Variants in CRYBG3 observed in about 807,000 individuals in gnomAD.
CRYBG3 encodes the protein crystallin beta-gamma domain containing 3.
Under a neutral mutation model 244.2 loss-of-function variants are expected in CRYBG3, and 127 were observed. The observed-to-expected ratio is 0.52, with a 90% CI of 0.45 to 0.60. The LOEUF is 0.60. CRYBG3 is among the 20% of genes least tolerant of loss of function. The pLI, the probability that CRYBG3 is intolerant of heterozygous loss-of-function variation, is 0.00. For missense variants in CRYBG3, 3,325 were observed against 3,442.5 expected (o/e 0.97, Z 0.85); for synonymous variants, 1,132 against 1,195.8 (o/e 0.95, Z 1.10).
At chr3:97,933,170 C>G (rs775672165) in intron 17 of CRYBG3, 2 of 441,120 alleles carry the variant, frequency 4.5e-6, no homozygotes, top group Non-Finnish European at 9.0e-6. Context: ...TGAAGAAATA[C>G]TTTTAATGCA....
At position 97,875,817 on chromosome 3, in the gene CRYBG3, T is replaced by G; in HGVS notation, c.4623T>G (p.Pro1541=). 8.1e-7 allele frequency: 1 copy of G among 1,231,952 alleles called. No individual in the cohort carries two copies. The highest frequency in any genetic ancestry group is 1.0e-6 in the Non-Finnish European group (1 of 987,820). 76.3% of individuals were successfully genotyped at this position (1,231,952 alleles called of 1,614,324 possible). A position where few individuals can be genotyped will look rare whatever the true frequency, so the allele number is the denominator to read the frequency against. Residue 1541 remains proline (P), a synonymous_variant, in exon 4 of 22, where the codon CCT becomes CCG. Coordinates refer to ENST00000389622, the MANE Select transcript of CRYBG3 (RefSeq NM_153605.4). The stretch of plus-strand genomic sequence containing the variant: ...ATATAGGGAAAATTGAACTTATACC[T>G]TCCATGTTAGAAACAGGGAAAACAA... ...EINIGKIELI[P]SMLETGKTNK... is the part of the protein sequence containing the mutation.
At position 97,872,435 on chromosome 3, in the gene CRYBG3, T is replaced by G; in HGVS notation, c.1241T>G (p.Val414Gly). The G allele has an allele frequency of 6.5e-7, 1 of 1,535,960 alleles. No homozygotes were observed. The highest frequency in any genetic ancestry group is 8.7e-7 in the Non-Finnish European group (1 of 1,146,810). The change falls in exon 4 of 22, where the codon GTG (valine) becomes GGG (glycine). Residue 414 changes from valine (V) to glycine (G), a missense_variant. Val to Gly is a moderately radical substitution (Grantham distance 109, BLOSUM62 -3). This residue lies in a region of CRYBG3 where 1,526 missense variants were observed against 1,443.2 expected (regional missense o/e 1.06). Coordinates refer to ENST00000389622, the MANE Select transcript of CRYBG3 (RefSeq NM_153605.4). The stretch of plus-strand genomic sequence containing the variant: ...AATACGATAAAAGAAAACAGCACTG[T>G]GATGAGTAATAGGACATTGGTGCAA... ...TENTIKENST[V>G]MSNRTLVQRE...
rs769833018 is a variant in CRYBG3, at chr3:97,930,341, A to G, written c.8242-3353A>G. Among the ~76,000 whole-genome samples, 88 of 152,124 alleles carry G rather than the reference A, an allele frequency of 5.8e-4. 1 individual carries two copies. Among genetic ancestry groups the G allele is most frequent in the South Asian group, 8.3e-4 (4 of 4,824 alleles). ...TACTTTCTAAAAATCTTGAGAGTGA[A>G]GATGTTGAAAAAAATCCACCAATAT... On this transcript the variant is annotated intron_variant, in intron 17 of 21. Coordinates refer to ENST00000389622, the MANE Select transcript of CRYBG3 (RefSeq NM_153605.4).
At chr3:97,901,809 C>T (rs1451268497) in intron 15 of CRYBG3, among the ~76,000 whole-genome samples, 1 of 151,990 alleles carries the variant, frequency 6.6e-6, no homozygotes, top group Non-Finnish European at 1.5e-5. Context: ...GGAGGATTTT[C>T]TTGATAGTAT....
rs2039245315 is a variant in CRYBG3, at chr3:97,867,291, A to G, written c.647+2644A>G. On this transcript the variant is annotated intron_variant, in intron 3 of 21. Coordinates refer to ENST00000389622, the MANE Select transcript of CRYBG3 (RefSeq NM_153605.4). ...GTCTTTCATTAGTTTCACAAAATGT[A>G]TCTTCCTCATTTGGAAAGCAACCTG... 4 of 152,232 alleles carry G rather than the reference A, an allele frequency of 2.6e-5. No homozygotes were observed. The South Asian group carries it at 6.2e-4, about 24-fold the overall frequency. 9.4% of individuals were successfully genotyped at this position (152,232 alleles called of 1,614,324 possible).
At chr3:97,828,252 A>G (rs530268270) in intron 1 of CRYBG3, among the ~76,000 whole-genome samples, 47 of 152,296 alleles carry the variant, frequency 3.1e-4, no homozygotes, top group Admixed American at 2.7e-3. Flanking sequence ...GATATGACCT[A>G]TCAATATTGC....
At position 97,875,282 on chromosome 3, in the gene CRYBG3, A is replaced by G; in HGVS notation, c.4088A>G (p.Gln1363Arg). 6.8e-7 allele frequency: 1 copy of G among 1,465,888 alleles called. No homozygotes were observed. Among genetic ancestry groups the G allele is most frequent in the Non-Finnish European group, 8.9e-7 (1 of 1,117,556 alleles). 90.8% of individuals were successfully genotyped at this position (1,465,888 alleles called of 1,614,324 possible). ...DVVREFLVSE[Q>R]PVNQSTQISE... ...GTTAGAGAGTTCTTGGTTTCAGAAC[A>G]GCCAGTAAATCAAAGCACACAAATT... is the stretch of plus-strand genomic sequence containing the variant. Residue 1363 changes from glutamine (Q) to arginine (R), a missense_variant, in exon 4 of 22, where the codon CAG becomes CGG. Physicochemically the swap from Gln to Arg is conservative, Grantham distance 43. Transcript: ENST00000389622.
chr3:97,912,208 A>T lies in CRYBG3; in HGVS notation c.8046A>T (p.Ile2682=), dbSNP rs1299293623. 1 of 1,607,634 alleles carries T rather than the reference A, an allele frequency of 6.2e-7. No individual in the cohort carries two copies. Among genetic ancestry groups the T allele is most frequent in the East Asian group, 2.2e-5 (1 of 44,458 alleles). Residue 2682 remains isoleucine (I), a synonymous_variant, in exon 16 of 22, where the codon ATA becomes ATT. Transcript: ENST00000389622. Reference sequence around the variant, plus strand: ...AACCAGGGTTCCAAGGTGAATGTATAGATTTTACAGAAGAAACTTCTGATT... The same window carrying T: ...AACCAGGGTTCCAAGGTGAATGTATTGATTTTACAGAAGAAACTTCTGATT... ...FSKPGFQGEC[I]DFTEETSDLT...
chr3:97,893,021 C>T (rs918777809), intron 11 of CRYBG3, 28 bp downstream of exon 11: 1 of 1,577,944 alleles, frequency 6.3e-7, no homozygotes, highest in African/African-American at 1.4e-5. Context: ...AACATTTGCA[C>T]AAGTAGTCTG....
intron 1 of CRYBG3, among the ~76,000 whole-genome samples, chr3:97,841,414 T>A (rs1441045784): frequency 6.6e-6 from 1 of 151,966 alleles, no homozygotes; most frequent in Non-Finnish European, 1.5e-5. Flanking sequence ...ATCCGTTTGG[T>A]CCATGTGTTT....
chr3:97,905,383 C>A (rs920831213), intron 15 of CRYBG3, among the ~76,000 whole-genome samples: 1 of 151,796 alleles, frequency 6.6e-6, no homozygotes, highest in Non-Finnish European at 1.5e-5. Flanking sequence ...GTTCCTATTT[C>A]TTCACATCCT....
In CRYBG3 at chr3:97,877,171, G is replaced by A; in HGVS notation, c.5977G>A (p.Glu1993Lys). 6.2e-7 allele frequency: 1 copy of A among 1,613,968 alleles called. No homozygotes were observed. Among genetic ancestry groups the A allele is most frequent in the Non-Finnish European group, 8.5e-7 (1 of 1,179,928 alleles). Residue 1993 changes from glutamate (E) to lysine (K), a missense_variant, in exon 4 of 22, where the codon GAA (glutamate) becomes AAA (lysine). Around this residue, in one of 4 missense-constraint regions of CRYBG3, gnomAD observed 450 missense variants for 424.1 expected, o/e 1.06. Transcript: ENST00000389622. ...GYNLAFVSQD[E>K]QENSSFTILY... ...TAATTTAGCTTTTGTTTCTCAAGAT[G>A]AACAAGAAAATTCTTCCTTTACTAT...
intron 12 of CRYBG3, among the ~76,000 whole-genome samples, chr3:97,897,960 C>A (rs2039658126): frequency 6.6e-6 from 1 of 152,012 alleles, no homozygotes; most frequent in Non-Finnish European, 1.5e-5. Flanking sequence ...GTGGTTCATG[C>A]CTGTAATCCC....
At position 97,876,689 on chromosome 3, in the gene CRYBG3, C is replaced by A; in HGVS notation, c.5495C>A (p.Thr1832Asn). 2 of 1,242,210 alleles carry A rather than the reference C, an allele frequency of 1.6e-6. No homozygotes were observed. Among genetic ancestry groups the A allele is most frequent in the Non-Finnish European group, 2.0e-6 (2 of 994,450 alleles). The allele number at this position is 1,242,210 out of a possible 1,614,324, so 76.9% of individuals were successfully genotyped here. A position where few individuals can be genotyped will look rare whatever the true frequency, so the allele number is the denominator to read the frequency against. ...EKACKRDVKE[T>N]IGATVSTPSV... ...GCATGCAAGAGAGATGTTAAAGAGA[C>A]TATTGGAGCAACTGTGTCCACACCC... Residue 1832 changes from threonine to asparagine, a missense_variant, in exon 4 of 22, where the codon ACT becomes AAT. Around this residue, in one of 4 missense-constraint regions of CRYBG3, gnomAD observed 635 missense variants for 771.7 expected, o/e 0.82. Coordinates refer to ENST00000389622, the MANE Select transcript of CRYBG3 (RefSeq NM_153605.4).
At chr3:97,917,415 T>C (rs1202454317) in intron 17 of CRYBG3, among the ~76,000 whole-genome samples, 1 of 152,164 alleles carries the variant, frequency 6.6e-6, no homozygotes, top group Non-Finnish European at 1.5e-5. Context: ...ATTCAGTTTA[T>C]GTAAGGGTAG....
At chr3:97,841,084 G>A (rs1009836936) in intron 1 of CRYBG3, among the ~76,000 whole-genome samples, 8 of 151,694 alleles carry the variant, frequency 5.3e-5, no homozygotes, top group Admixed American at 2.6e-4. Context: ...ACATTTGTAC[G>A]GGTTACAATT....
intron 1 of CRYBG3, among the ~76,000 whole-genome samples, chr3:97,829,920 A>AT (rs2038632555): frequency 1.3e-5 from 2 of 151,938 alleles, no homozygotes; most frequent in East Asian, 1.9e-4. Flanking sequence ...GGAAACTTTA[A>AT]TTTTTTTTCA....
chr3:97,862,493 CT>C (rs1384494482), intron 2 of CRYBG3, among the ~76,000 whole-genome samples: 3 of 152,114 alleles, frequency 2.0e-5, no homozygotes, highest in African/African-American at 7.2e-5. Flanking sequence ...TTCCAGTGTT[CT>C]TTTTGACCTG....
rs115590440 is a variant in CRYBG3 at position 97,897,769 on chromosome 3, A to C, written c.7702-1114A>C. Among the ~76,000 whole-genome samples, 515 of 152,322 alleles carry C rather than the reference A, an allele frequency of 3.4e-3. 1 individual carries two copies. The highest frequency in any genetic ancestry group is 0.012 in the African/African-American group (494 of 41,582). On this transcript the variant is annotated intron_variant, in intron 12 of 21. Coordinates refer to ENST00000389622, the MANE Select transcript of CRYBG3 (RefSeq NM_153605.4). ...TTTCTCACCATTTAGTTCCCTTAGG[A>C]GACTTTTCTTAATTCAAAAAGGAAT...
Sources: allele counts gnomAD v4.1 joint callset (sites outside exome capture counted in the v4.1 genomes callset), GRCh38; gene constraint gnomAD v4.1.1; regional missense constraint gnomAD v4.1.1; transcripts MANE v1.5; gene names NCBI Gene and HGNC (gene_info 2026-07-23, HGNC 2026-07-21).